The following CTR9 variants were observed in gnomAD, a reference collection of about 807,000 sequenced individuals.
The protein encoded by CTR9 is CTR9 component of Paf1/RNA polymerase II complex.
A neutral mutation model predicts 152.1 loss-of-function variants in CTR9; 41 were observed. The ratio of observed to expected loss-of-function variants is 0.27; its 90% CI spans 0.21 to 0.35. The LOEUF is 0.35. Ranked by LOEUF, CTR9 falls within the 10% of genes least tolerant of loss-of-function variation. The pLI is 1.00. For missense variants in CTR9, 917 were observed against 1,424.4 expected, an observed-to-expected ratio of 0.64 and a Z score of 5.73; for synonymous variants, 476 against 496.2, an observed-to-expected ratio of 0.96 and a Z score of 0.54.
Position 10,762,877 on chromosome 11 carries a change from T to C in CTR9, c.850-554T>C, listed in dbSNP as rs1236597730. Among the ~76,000 whole-genome samples, 6 of 151,878 alleles carry C rather than the reference T, an allele frequency of 4.0e-5. No homozygotes were observed. In the East Asian group the frequency reaches 9.9e-4, roughly 25 times the overall value. The stretch of plus-strand genomic sequence containing the variant: ...AAAATTAGCTGGACATGGTGGCACA[T>C]ACCTGTAGTCTCAGTTACTCAGAAG... On this transcript the variant is annotated intron_variant, in intron 7 of 24. Transcript: ENST00000361367.
chr11:10,772,783 G>T, intron 20 of CTR9, 128 bp downstream of exon 20: 6 of 985,814 alleles, frequency 6.1e-6, no homozygotes. Flanking sequence ...ACTTTGGGAG[G>T]ATGAGGTGGG....
chr11:10,755,940 A>C (rs1862877357), intron 4 of CTR9, 145 bp downstream of exon 4: 1 of 545,252 alleles, frequency 1.8e-6, no homozygotes, highest in Non-Finnish European at 3.3e-6. Context: ...TACCTACAAC[A>C]AATATTGTTG....
At chr11:10,759,957 G>A (rs1471178522) in intron 5 of CTR9, among the ~76,000 whole-genome samples, 1 of 152,186 alleles carries the variant, frequency 6.6e-6, no homozygotes, top group Non-Finnish European at 1.5e-5. Flanking sequence ...TCTATAGTGA[G>A]AAATGTGTCA....
At chr11:10,764,461 C>G (rs763006272) in intron 11 of CTR9, 25 bp downstream of exon 11, 2 of 1,574,212 alleles carry the variant, frequency 1.3e-6, no homozygotes, top group East Asian at 2.4e-5. Flanking sequence ...ATATTTCCTT[C>G]TTTTATACTG....
chr11:10,753,567 A>G (rs951866751), intron 2 of CTR9, among the ~76,000 whole-genome samples: 2 of 151,940 alleles, frequency 1.3e-5, no homozygotes, highest in African/African-American at 2.4e-5. Context: ...AAGTATTTTC[A>G]GTGACAAGCA....
chr11:10,767,680 A>C lies in CTR9; in HGVS notation c.1687-126A>C, dbSNP rs957343374. The C allele has an allele frequency of 1.1e-5, 9 of 837,584 alleles. No homozygotes were observed. In the Admixed American group the frequency reaches 1.5e-4, roughly 14 times the overall value. 51.9% of individuals were successfully genotyped at this position (837,584 alleles called of 1,614,324 possible). On this transcript the variant is annotated intron_variant, in intron 13 of 24. Transcript: ENST00000361367. This position sits in a 1 kb window ranked among gnomAD's most constrained non-coding sequence, Gnocchi z 4.0. Reference sequence around the variant, plus strand: ...ATGCAAAAAAAAAAAGAAAGAAAGAAAAGAAAGAAAACCACTGTTGTAATA... The same window carrying C: ...ATGCAAAAAAAAAAAGAAAGAAAGACAAGAAAGAAAACCACTGTTGTAATA...
At chr11:10,766,575 C>T (rs1255983343) in intron 13 of CTR9, 85 bp downstream of exon 13, 3 of 919,726 alleles carry the variant, frequency 3.3e-6, no homozygotes, top group Non-Finnish European at 4.9e-6. Flanking sequence ...TTAATGGCTA[C>T]ATCTTCCTGG....
chr11:10,778,957 C>T lies in CTR9; in HGVS notation c.3374C>T (p.Ser1125Phe). 6.2e-7 allele frequency: 1 copy of T among 1,614,136 alleles called. No individual in the cohort carries two copies. Among genetic ancestry groups the T allele is most frequent in the East Asian group, 2.2e-5 (1 of 44,884 alleles). The change falls in exon 25 of 25, where the codon TCT becomes TTT. Residue 1125 changes from serine (S) to phenylalanine (F), a missense_variant. Coordinates refer to ENST00000361367, the MANE Select transcript of CTR9 (RefSeq NM_014633.5). ...GVSENDSRPA[S>F]PSAESDHESE... ...TCTGAGAACGACTCTCGCCCAGCTT[C>T]TCCAAGTGCCGAATCAGATCACGAA...
At position 10,779,076 on chromosome 11, in the gene CTR9, T is replaced by C; in HGVS notation, c.3493T>C (p.Ser1165Pro). 1 of 1,614,062 alleles carries C rather than the reference T, an allele frequency of 6.2e-7. No homozygotes were observed. Among genetic ancestry groups the C allele is most frequent in the Non-Finnish European group, 8.5e-7 (1 of 1,179,964 alleles). ...GSNNEASDRGSEHGSDDSD is the reference protein window; with the variant it reads ...GSNNEASDRGPEHGSDDSD ...CAACAATGAGGCCTCAGATAGAGGC[T>C]CAGAACATGGGTCAGATGATAGTGA... The change falls in exon 25 of 25, where the codon TCA (serine) becomes CCA (proline). Residue 1165 changes from serine (S) to proline (P), a missense_variant. Transcript: ENST00000361367.
rs1398349679 is a variant in CTR9 at position 10,767,994 on chromosome 11, A to G, written c.1872+3A>G. The G allele has an allele frequency of 6.2e-7, 1 of 1,613,718 alleles. No homozygotes were observed. The highest frequency in any genetic ancestry group is 8.5e-7 in the Non-Finnish European group (1 of 1,179,724). On this transcript the variant is annotated splice_donor_region_variant and intron_variant, in intron 14 of 24. Coordinates refer to ENST00000361367, the MANE Select transcript of CTR9 (RefSeq NM_014633.5). The surrounding 1 kb of genome is among the most constrained non-coding windows in gnomAD (Gnocchi z 4.0). ...AGCCCACCCGAGATCGAGAAAAGGT[A>G]ATCTCTTTTTGTCCTTTTAAACAAA...
chr11:10,764,456 T>A lies in CTR9; in HGVS notation c.1413+20T>A. The stretch of plus-strand genomic sequence containing the variant: ...GCTAAGGTAGGAAAATAGAAATATT[T>A]CCTTCTTTTATACTGAATCAAGTTG... On this transcript the variant is annotated intron_variant, in intron 11 of 24. Coordinates refer to ENST00000361367, the MANE Select transcript of CTR9 (RefSeq NM_014633.5). The A allele has an allele frequency of 6.3e-7, 1 of 1,588,020 alleles. No homozygotes were observed. Among genetic ancestry groups the A allele is most frequent in the East Asian group, 2.3e-5 (1 of 43,292 alleles).
intron 24 of CTR9, among the ~76,000 whole-genome samples, chr11:10,778,149 G>A (rs1238345005): frequency 6.6e-6 from 1 of 152,194 alleles, no homozygotes; most frequent in Non-Finnish European, 1.5e-5. Flanking sequence ...ACCTAGTGCA[G>A]TAGCAAATCT....
intron 3 of CTR9, among the ~76,000 whole-genome samples, 170 bp downstream of exon 3, chr11:10,755,367 C>G (rs1862869029): frequency 6.6e-6 from 1 of 152,250 alleles, no homozygotes; most frequent in Non-Finnish European, 1.5e-5. Flanking sequence ...GGTTTTTGTA[C>G]TGTTTAAGTA....
intron 3 of CTR9, 22 bp from the exon 4 acceptor site, chr11:10,755,656 A>G (rs376042260): frequency 4.0e-6 from 6 of 1,490,832 alleles, no homozygotes; most frequent in Non-Finnish European, 5.6e-6. Context: ...GGTAAAATCT[A>G]AGATAATACA....
At chr11:10,752,521 C>G in intron 1 of CTR9, 151 bp from the exon 2 acceptor site, 1 of 591,126 alleles carries the variant, frequency 1.7e-6, no homozygotes, top group Non-Finnish European at 3.0e-6. Context: ...GTCATGTGCT[C>G]CTTAAACATT....
chr11:10,768,302 A>C (rs762761519), intron 15 of CTR9, 41 bp from the exon 16 acceptor site: 1 of 1,588,550 alleles, frequency 6.3e-7, no homozygotes. Context: ...TTCTGACTCC[A>C]ATTAGAAAAT....
intron 10 of CTR9, 32 bp from the exon 11 acceptor site, chr11:10,764,276 T>TA (rs763978615): frequency 1.2e-6 from 2 of 1,613,942 alleles, no homozygotes; most frequent in Admixed American, 1.7e-5. Context: ...CTCTTCCACT[T>TA]ACACCTTTTT....
In CTR9 at chr11:10,778,803, C is replaced by T. The variant is rs202230543; in HGVS notation, c.3220C>T (p.Arg1074Trp). 37 of 1,614,180 alleles carry T rather than the reference C, an allele frequency of 2.3e-5. No homozygotes were observed. The Admixed American group carries it at 3.7e-4, about 16-fold the overall frequency. ...GTCTGGCAGCGAGGCCGGCAGTCCC[C>T]GGAGGCCACGAAGACAGCGGTCAGA... Reference protein sequence around the residue: ...NKSGSEAGSPRRPRRQRSDQD... With the variant: ...NKSGSEAGSPWRPRRQRSDQD... Residue 1074 changes from arginine (R) to tryptophan (W), a missense_variant, in exon 25 of 25, where the codon CGG (arginine) becomes TGG (tryptophan). Arg to Trp is a moderately radical substitution (Grantham distance 101). Around this residue, in one of 9 missense-constraint regions of CTR9, gnomAD observed 384 missense variants for 398.4 expected, o/e 0.96. Transcript: ENST00000361367.
Position 10,772,569 on chromosome 11 carries a change from C to T in CTR9, c.2494C>T (p.Arg832Cys). Residue 832 changes from arginine to cysteine, a missense_variant, in exon 20 of 25, where the codon CGC becomes TGC. Physicochemically the swap from Arg to Cys is radical, Grantham distance 180. This residue lies in a region of CTR9 where 106 missense variants were observed against 157.8 expected (regional missense o/e 0.67). Transcript: ENST00000361367. ...GGCCCAGTACCATGTGGCCCGGGCACGCAAACAAGATGAAGAAGAGCGGGA... is the reference window on the plus strand; with the variant it reads ...GGCCCAGTACCATGTGGCCCGGGCATGCAAACAAGATGAAGAAGAGCGGGA... ...SQAQYHVARA[R>C]KQDEEERELR... 6.2e-7 allele frequency: 1 copy of T among 1,610,966 alleles called. No individual in the cohort carries two copies. Among genetic ancestry groups the T allele is most frequent in the Non-Finnish European group, 8.5e-7 (1 of 1,178,554 alleles).
Sources: gnomAD v4.1 joint callset for allele counts (sites outside exome capture counted in the v4.1 genomes callset) on GRCh38, gnomAD v4.1.1 for gene constraint, gnomAD v4.1.1 regional missense constraint, Gnocchi (gnomAD v3.1) non-coding constraint, MANE v1.5 for transcripts, NCBI Gene and HGNC (gene_info 2026-07-23, HGNC 2026-07-21) for gene names.